Variants in ATP2B2 observed in about 807,000 individuals in gnomAD.
The protein encoded by ATP2B2 is plasma membrane calcium-transporting ATPase 2.
Under a neutral mutation model 120.0 loss-of-function variants are expected in ATP2B2, and 15 were observed. That is an observed-to-expected ratio of 0.12 (90% CI 0.08 to 0.19). The LOEUF (loss-of-function observed/expected upper bound fraction) is 0.19, where lower values mean the gene tolerates loss of function less well. ATP2B2 is among the 10% of genes least tolerant of loss of function. ATP2B2 has a pLI of 1.00. For missense variants in ATP2B2, 1,045 were observed against 1,719.8 expected, an observed-to-expected ratio of 0.61 and a Z score of 6.94; for synonymous variants, 694 against 700.3, an observed-to-expected ratio of 0.99 and a Z score of 0.14.
At chr3:10,450,356 C>T (rs2063993112) in intron 1 of ATP2B2, among the ~76,000 whole-genome samples, 1 of 152,074 alleles carries the variant, frequency 6.6e-6, no homozygotes, top group Non-Finnish European at 1.5e-5. Flanking sequence ...AACATGTTTA[C>T]ACACGCCCCA....
Position 10,329,837 on chromosome 3 carries a change from C to T in ATP2B2, c.3421-712G>A, listed in dbSNP as rs999490974. ...GGCGGGCTGCATGCCACGGGGAGGC[C>T]GGGAGCCACATGGCACACACAGACA... is the stretch of plus-strand genomic sequence containing the variant. On this transcript the variant is annotated intron_variant, in intron 22 of 22. Transcript: ENST00000360273. This position sits in a 1 kb window ranked among gnomAD's most constrained non-coding sequence, Gnocchi z 5.9. Among the ~76,000 whole-genome samples the T allele has an allele frequency of 2.0e-5, 3 of 152,082 alleles. No homozygotes were observed. Among genetic ancestry groups the T allele is most frequent in the South Asian group, 2.1e-4 (1 of 4,822 alleles).
At chr3:10,390,357 G>A (rs2061808374) in intron 5 of ATP2B2, among the ~76,000 whole-genome samples, 1 of 152,330 alleles carries the variant, frequency 6.6e-6, no homozygotes, top group East Asian at 1.9e-4. Flanking sequence ...TTCTGGGTCA[G>A]ACCTAAAGAG....
At chr3:10,642,439 A>ACTGTG (rs1454385853) in intron 1 of ATP2B2, among the ~76,000 whole-genome samples, 1 of 152,138 alleles carries the variant, frequency 6.6e-6, no homozygotes, top group African/African-American at 2.4e-5. Context: ...TGGCCTCAGG[A>ACTGTG]GCCTATAGTC....
chr3:10,644,065 T>C (rs2070247818), intron 1 of ATP2B2, among the ~76,000 whole-genome samples: 1 of 152,084 alleles, frequency 6.6e-6, no homozygotes, highest in African/African-American at 2.4e-5. Flanking sequence ...AAAAAACTAA[T>C]ACAACTCAAC....
chr3:10,521,167 C>T (rs2066978152), intron 3 of ATP2B2, among the ~76,000 whole-genome samples: 1 of 152,254 alleles, frequency 6.6e-6, no homozygotes, highest in South Asian at 2.1e-4. Context: ...CCCTCTGTGG[C>T]ACCCCAGCCC....
Position 10,584,641 on chromosome 3 carries a change from G to T in ATP2B2, c.-415+35276C>A, listed in dbSNP as rs535134611. Among the ~76,000 whole-genome samples the T allele has an allele frequency of 7.2e-5, 11 of 152,294 alleles. No homozygotes were observed. In the South Asian group the frequency reaches 2.3e-3, roughly 32 times the overall value. ...TTCACGTAATATCCTCCCAGCCACT[G>T]CTTGCAGAAGCTGCATTCCCTGAAC... On this transcript the variant is annotated intron_variant, in intron 2 of 21. Transcript: ENST00000646379.
At chr3:10,440,647 C>T (rs1401699370) in intron 2 of ATP2B2, among the ~76,000 whole-genome samples, 2 of 152,222 alleles carry the variant, frequency 1.3e-5, no homozygotes, top group Non-Finnish European at 1.5e-5. Flanking sequence ...CCTTTCAGGC[C>T]TCACTCAGAG....
At chr3:10,580,232 A>G (rs1187805569) in intron 2 of ATP2B2, among the ~76,000 whole-genome samples, 3 of 152,142 alleles carry the variant, frequency 2.0e-5, no homozygotes, top group African/African-American at 7.2e-5. Context: ...TAATATATCA[A>G]TAGGAAACGC....
At chr3:10,476,831 T>C (rs1291856385) in intron 1 of ATP2B2, among the ~76,000 whole-genome samples, 1 of 152,212 alleles carries the variant, frequency 6.6e-6, no homozygotes, top group Non-Finnish European at 1.5e-5. Flanking sequence ...GAGCAGCTAA[T>C]GCAGATGAGC....
At chr3:10,630,931 T>C (rs2069846838) in intron 1 of ATP2B2, among the ~76,000 whole-genome samples, 1 of 152,188 alleles carries the variant, frequency 6.6e-6, no homozygotes, top group South Asian at 2.1e-4. Context: ...GGCACAGTCT[T>C]TCAACTACTT....
chr3:10,486,998 G>GA (rs2065705717), intron 1 of ATP2B2, among the ~76,000 whole-genome samples: 1 of 152,142 alleles, frequency 6.6e-6, no homozygotes, highest in Non-Finnish European at 1.5e-5. Flanking sequence ...AAAGTGCTGG[G>GA]ATTACAGGCG....
rs534428399 is a variant in ATP2B2, at chr3:10,338,248, G to T, written c.3348C>A (p.Ile1116=). Residue 1116 remains isoleucine (I), a synonymous_variant, in exon 22 of 23, where the codon ATC becomes ATA. Transcript: ENST00000360273. ...EEELNEDVEE[I]DHAERELRRG... ...GCCGCAGCTCCCGCTCCGCGTGGTC[G>T]ATCTCCTCCACGTCCTCGTTGAGCT... is the stretch of plus-strand genomic sequence containing the variant. 5.0e-6 allele frequency: 8 copies of T among 1,613,956 alleles called. No individual in the cohort carries two copies. The East Asian group carries it at 1.8e-4, about 36-fold the overall frequency.
chr3:10,576,304 G>A (rs529090044), intron 2 of ATP2B2, among the ~76,000 whole-genome samples: 34 of 152,176 alleles, frequency 2.2e-4, no homozygotes, highest in Non-Finnish European at 4.9e-4. Flanking sequence ...TCCACACTCC[G>A]AGGCTTCCCT....
chr3:10,651,471 T>A (rs555424370), intron 1 of ATP2B2, among the ~76,000 whole-genome samples: 12 of 152,200 alleles, frequency 7.9e-5, no homozygotes, highest in Non-Finnish European at 1.6e-4. Context: ...CCACGTGAGA[T>A]GTGCCTTTCA....
rs201492195 is a variant in ATP2B2 at position 10,372,731 on chromosome 3, C to CT, written c.1417-681dup. ...TAGGTACATCTTGTATATCAACATC[C>CT]TTTTTTTTTGAAATTTATAACAAAA... On this transcript the variant is annotated intron_variant, in intron 11 of 22. Transcript: ENST00000360273. 1.3e-3 allele frequency among the ~76,000 whole-genome samples: 198 copies of CT among 151,372 alleles called. 5 individuals carry two copies. The South Asian group carries it at 0.029, about 22-fold the overall frequency.
intron 6 of ATP2B2, chr3:10,387,841 T>C: frequency 3.9e-6 from 1 of 254,694 alleles, no homozygotes; most frequent in Non-Finnish European, 7.8e-6. Context: ...CCTCTGCCCA[T>C]GTCTTGGATG....
chr3:10,639,528 T>G (rs553883513), intron 1 of ATP2B2, among the ~76,000 whole-genome samples: 1 of 152,200 alleles, frequency 6.6e-6, no homozygotes, highest in East Asian at 1.9e-4. Context: ...CATGAGGGCT[T>G]CTCCCTCAAG....
At chr3:10,676,728 C>G (rs576754705) in intron 1 of ATP2B2, among the ~76,000 whole-genome samples, 21 of 152,280 alleles carry the variant, frequency 1.4e-4, no homozygotes, top group Admixed American at 9.8e-4. Context: ...AGGATATGCA[C>G]AAAAACCTAC....
chr3:10,385,367 A>G (rs370793397), intron 7 of ATP2B2, 40 bp from the exon 8 acceptor site: 13 of 1,587,500 alleles, frequency 8.2e-6, no homozygotes, highest in Middle Eastern at 3.3e-4. Context: ...CAGTGTCACA[A>G]TGGAGAAAAG....
Sources: gnomAD v4.1 joint callset for allele counts (sites outside exome capture counted in the v4.1 genomes callset) on GRCh38, gnomAD v4.1.1 for gene constraint, Gnocchi (gnomAD v3.1) non-coding constraint, MANE v1.5 for transcripts, NCBI Gene and HGNC (gene_info 2026-07-23, HGNC 2026-07-21) for gene names.